ABTB2: variants seen among roughly 807,000 people sequenced by gnomAD.
ABTB2 encodes ankyrin repeat and BTB/POZ domain-containing protein 2.
ABTB2 carries 56 observed loss-of-function variants against 104.1 expected under a neutral mutation model. The observed-to-expected ratio is 0.54, with a 90% CI of 0.43 to 0.67. The LOEUF is 0.67. Ranked by LOEUF, ABTB2 falls within the 30% of genes least tolerant of loss-of-function variation. ABTB2 has a pLI of 0.00. For synonymous variants in ABTB2, 606 were observed against 608.2 expected (o/e 1.00, Z 0.05); for missense variants, 1,279 against 1,407.7 (o/e 0.91, Z 1.46).
intron 1 of ABTB2, among the ~76,000 whole-genome samples, chr11:34,208,462 C>T (rs948626234): frequency 2.6e-5 from 4 of 152,188 alleles, no homozygotes; most frequent in Non-Finnish European, 4.4e-5. Flanking sequence ...GAGTGAATCT[C>T]GGAGTGTGGA....
rs372730030 is a variant in ABTB2 at position 34,328,030 on chromosome 11, A to G, written c.883+28671T>C. Among the ~76,000 whole-genome samples the G allele has an allele frequency of 2.6e-4, 39 of 152,338 alleles. No individual in the cohort carries two copies. The East Asian group carries it at 4.4e-3, about 17-fold the overall frequency. On this transcript the variant is annotated intron_variant, in intron 1 of 16. Transcript: ENST00000435224. ...AAAATATTGAGATTAAGGTGGCCTC[A>G]TCAGCCCTAAGCAACTCTGACTCTG...
At chr11:34,330,161 G>T (rs2133116332) in intron 1 of ABTB2, among the ~76,000 whole-genome samples, 1 of 152,314 alleles carries the variant, frequency 6.6e-6, no homozygotes, top group East Asian at 1.9e-4. Context: ...GGGACCTCAA[G>T]TAAACCCTTC....
chr11:34,248,324 C>A (rs796591249), intron 1 of ABTB2, among the ~76,000 whole-genome samples: 28 of 152,086 alleles, frequency 1.8e-4, no homozygotes, highest in African/African-American at 6.8e-4. Context: ...AGCTCCTGGC[C>A]TCAAGTGATC....
In ABTB2 at chr11:34,251,117, G is replaced by T. The variant is rs550088741; in HGVS notation, c.884-46427C>A. 6.1e-4 allele frequency among the ~76,000 whole-genome samples: 93 copies of T among 152,294 alleles called. 2 individuals carry two copies. The highest frequency in any genetic ancestry group is 1.2e-3 in the Non-Finnish European group (84 of 68,020). On this transcript the variant is annotated intron_variant, in intron 1 of 16. Coordinates refer to ENST00000435224, the MANE Select transcript of ABTB2 (RefSeq NM_145804.3). ...CTTCTACCCTGGCTTCTTAATAGGG[G>T]CTGGCCTGGCTGTTGTAAAGGGGAA...
intron 6 of ABTB2, 33 bp downstream of exon 6, chr11:34,167,870 G>C (rs1852822230): frequency 6.2e-7 from 1 of 1,609,438 alleles, no homozygotes; most frequent in African/African-American, 1.3e-5. Context: ...TGCTGGCCTA[G>C]GGCCTGGGTG....
intron 1 of ABTB2, among the ~76,000 whole-genome samples, chr11:34,307,561 T>C (rs1854792879): frequency 6.6e-6 from 1 of 152,220 alleles, no homozygotes; most frequent in African/African-American, 2.4e-5. Flanking sequence ...TGTTCATGGC[T>C]CTCCGAGAGA....
chr11:34,260,626 G>A (rs986076920), intron 1 of ABTB2, among the ~76,000 whole-genome samples: 9 of 152,174 alleles, frequency 5.9e-5, no homozygotes, highest in African/African-American at 2.2e-4. Context: ...ATGGACATTT[G>A]GTCTGGGATA....
intron 1 of ABTB2, among the ~76,000 whole-genome samples, chr11:34,344,145 G>A (rs1855300541): frequency 6.6e-6 from 1 of 152,170 alleles, no homozygotes; most frequent in South Asian, 2.1e-4. Flanking sequence ...AAAGCTGCCT[G>A]AAAAATGGAG....
At chr11:34,277,177 C>G (rs556785758) in intron 1 of ABTB2, among the ~76,000 whole-genome samples, 1 of 152,196 alleles carries the variant, frequency 6.6e-6, no homozygotes, top group African/African-American at 2.4e-5. Flanking sequence ...GCTGGGATTA[C>G]AGGCGTAAGC....
intron 3 of ABTB2, among the ~76,000 whole-genome samples, chr11:34,182,496 C>CGGGGGGGG: frequency 1.2e-5 from 1 of 84,906 alleles, no homozygotes; most frequent in Non-Finnish European, 2.3e-5. Flanking sequence ...ATTGGGTTCT[C>CGGGGGGGG]TGGGGGGGGG....
At chr11:34,170,457 T>G (rs1272737420) in intron 5 of ABTB2, among the ~76,000 whole-genome samples, 1 of 152,252 alleles carries the variant, frequency 6.6e-6, no homozygotes, top group Admixed American at 6.5e-5. Flanking sequence ...CCTCAGCACT[T>G]TAACATCCTC....
At chr11:34,288,614 C>T (rs1590242791) in intron 1 of ABTB2, among the ~76,000 whole-genome samples, 1 of 151,974 alleles carries the variant, frequency 6.6e-6, no homozygotes, top group Non-Finnish European at 1.5e-5. Context: ...TGTTTTCGGC[C>T]CAGGAGGAGG....
chr11:34,176,487 T>C (rs1009017811), intron 3 of ABTB2, among the ~76,000 whole-genome samples: 2 of 151,862 alleles, frequency 1.3e-5, no homozygotes, highest in Non-Finnish European at 2.9e-5. Flanking sequence ...TCAATAAATG[T>C]TCACTGAAGC....
At chr11:34,162,468 G>T in intron 10 of ABTB2, 108 bp downstream of exon 10, 2 of 1,226,710 alleles carry the variant, frequency 1.6e-6, no homozygotes, top group Non-Finnish European at 2.3e-6. Flanking sequence ...GGGCTTGTCT[G>T]TCCCTGCAGG....
intron 1 of ABTB2, among the ~76,000 whole-genome samples, chr11:34,270,912 C>G (rs1259103573): frequency 6.6e-6 from 1 of 152,208 alleles, no homozygotes; most frequent in Non-Finnish European, 1.5e-5. Flanking sequence ...GCCTTTTGCC[C>G]TGAGGGCTGC....
At chr11:34,263,847 C>T (rs191438791) in intron 1 of ABTB2, among the ~76,000 whole-genome samples, 3 of 152,284 alleles carry the variant, frequency 2.0e-5, no homozygotes, top group African/African-American at 2.4e-5. Context: ...TCCTCAGGCC[C>T]GACCCCAGTC....
intron 3 of ABTB2, among the ~76,000 whole-genome samples, chr11:34,175,390 C>A (rs1852948521): frequency 6.6e-6 from 1 of 152,202 alleles, no homozygotes; most frequent in Non-Finnish European, 1.5e-5. Context: ...CATTAGCCTA[C>A]AGTTAGGCAA....
chr11:34,331,668 T>A (rs1299686668), intron 1 of ABTB2, among the ~76,000 whole-genome samples: 1 of 152,188 alleles, frequency 6.6e-6, no homozygotes. Flanking sequence ...ACTAATAAAG[T>A]CTTCAGTTGA....
chr11:34,313,937 C>G (rs1005728666), intron 1 of ABTB2, among the ~76,000 whole-genome samples: 2 of 152,202 alleles, frequency 1.3e-5, no homozygotes, highest in African/African-American at 4.8e-5. Flanking sequence ...GCCGAGTTCT[C>G]CTTCAAGGTG....
Sources: allele counts gnomAD v4.1 joint callset (sites outside exome capture counted in the v4.1 genomes callset), GRCh38; gene constraint gnomAD v4.1.1; transcripts MANE v1.5; gene names NCBI Gene and HGNC (gene_info 2026-07-23, HGNC 2026-07-21).